The following PCDH9 variants were observed in gnomAD, a reference collection of about 807,000 sequenced individuals.
PCDH9 encodes the protein protocadherin 9, also known as protocadherin-9.
In PCDH9, 24 loss-of-function variants were observed where a neutral mutation model predicts 70.6. That is an observed-to-expected ratio of 0.34 (90% confidence interval 0.25 to 0.48). The LOEUF (loss-of-function observed/expected upper bound fraction) is 0.48, where lower values mean the gene tolerates loss of function less well. Among genes scored for constraint, PCDH9 ranks in the 20% least tolerant of loss-of-function variants. PCDH9 has a pLI of 0.99. For missense variants in PCDH9, 1,281 were observed against 1,503.6 expected (o/e 0.85, Z 2.45); for synonymous variants, 562 against 558.5 (o/e 1.01, Z -0.09).
At chr13:66,509,606 C>A (rs955823445) in intron 4 of PCDH9, among the ~76,000 whole-genome samples, 2 of 152,032 alleles carry the variant, frequency 1.3e-5, no homozygotes, top group Non-Finnish European at 2.9e-5. Context: ...TTGCAATAGT[C>A]TTTTCTTCTT....
chr13:66,719,876 T>A (rs972477434), intron 3 of PCDH9, among the ~76,000 whole-genome samples: 1 of 152,208 alleles, frequency 6.6e-6, no homozygotes, highest in African/African-American at 2.4e-5. Flanking sequence ...GTCAGGAATA[T>A]GATTCACAAC....
intron 2 of PCDH9, among the ~76,000 whole-genome samples, chr13:67,120,923 C>T (rs2086864772): frequency 6.7e-6 from 1 of 149,984 alleles, no homozygotes; most frequent in Non-Finnish European, 1.5e-5. Flanking sequence ...TGGGCCACGA[C>T]AGACAGAAAA....
At chr13:66,859,920 T>C (rs1349858951) in intron 3 of PCDH9, among the ~76,000 whole-genome samples, 7 of 152,218 alleles carry the variant, frequency 4.6e-5, no homozygotes, top group African/African-American at 1.4e-4. Context: ...AAATGGATTT[T>C]CAAATTTTAC....
intron 3 of PCDH9, among the ~76,000 whole-genome samples, chr13:66,694,634 G>T (rs2078533206): frequency 6.6e-6 from 1 of 151,474 alleles, no homozygotes; most frequent in African/African-American, 2.4e-5. Flanking sequence ...TAGTCAAAAG[G>T]AATATGTATA....
At chr13:66,683,235 A>G (rs2139065407) in intron 3 of PCDH9, among the ~76,000 whole-genome samples, 1 of 152,230 alleles carries the variant, frequency 6.6e-6, no homozygotes, top group Admixed American at 6.5e-5. Flanking sequence ...GCACTCATAA[A>G]CTATCTGCCT....
At chr13:67,095,326 G>GTTA (rs1221174630) in intron 2 of PCDH9, among the ~76,000 whole-genome samples, 1 of 151,956 alleles carries the variant, frequency 6.6e-6, no homozygotes, top group African/African-American at 2.4e-5. Context: ...TGAACTCTAG[G>GTTA]TTATTACATT....
intron 3 of PCDH9, among the ~76,000 whole-genome samples, chr13:66,877,438 A>G (rs2081836587): frequency 6.6e-6 from 1 of 151,846 alleles, no homozygotes; most frequent in Admixed American, 6.6e-5. Context: ...AGGTTCCCAA[A>G]GTGCTTTTAA....
chr13:67,196,170 A>G (rs2089059873), intron 2 of PCDH9, among the ~76,000 whole-genome samples: 1 of 152,158 alleles, frequency 6.6e-6, no homozygotes, highest in Admixed American at 6.5e-5. Context: ...CATTTACCTA[A>G]TAGAGCTGTT....
intron 2 of PCDH9, among the ~76,000 whole-genome samples, chr13:67,153,234 T>C (rs547891282): frequency 6.6e-6 from 1 of 152,096 alleles, no homozygotes; most frequent in East Asian, 1.9e-4. Context: ...CGATCATGGC[T>C]CACTATAGCC....
chr13:67,147,758 A>C (rs2087557624), intron 2 of PCDH9, among the ~76,000 whole-genome samples: 1 of 152,208 alleles, frequency 6.6e-6, no homozygotes, highest in Non-Finnish European at 1.5e-5. Flanking sequence ...CACTGTTTAT[A>C]CATTCCCTCA....
chr13:66,762,637 A>G (rs1287173757), intron 3 of PCDH9, among the ~76,000 whole-genome samples: 3 of 152,016 alleles, frequency 2.0e-5, no homozygotes, highest in East Asian at 1.9e-4. Context: ...CTTGTCAGGT[A>G]GTTTTGTGCA....
intron 2 of PCDH9, among the ~76,000 whole-genome samples, chr13:66,931,993 T>G (rs78326726): frequency 6.6e-6 from 1 of 152,260 alleles, no homozygotes; most frequent in East Asian, 1.9e-4. Context: ...TGTGTTTGAA[T>G]AAAACAGTTA....
intron 3 of PCDH9, among the ~76,000 whole-genome samples, chr13:66,872,774 A>G (rs1391897791): frequency 6.6e-6 from 1 of 152,154 alleles, no homozygotes; most frequent in Non-Finnish European, 1.5e-5. Context: ...GCTCAAATAT[A>G]TTGGCTAATT....
At chr13:67,002,545 A>C (rs2084265908) in intron 2 of PCDH9, among the ~76,000 whole-genome samples, 1 of 151,752 alleles carries the variant, frequency 6.6e-6, no homozygotes, top group African/African-American at 2.4e-5. Context: ...TTAAATATTT[A>C]CATTTCTCAT....
rs965345425 is a variant in PCDH9 at position 67,000,394 on chromosome 13, A to G, written c.3037-96789T>C. 2.2e-4 allele frequency among the ~76,000 whole-genome samples: 34 copies of G among 151,204 alleles called. 1 individual carries two copies. Among genetic ancestry groups the G allele is most frequent in the African/African-American group, 7.3e-4 (30 of 41,102 alleles). ...ACACCTAATGCTAAATGACGAGTTA[A>G]TGGGTGCAGCACACCAGCATGGCAC... On this transcript the variant is annotated intron_variant, in intron 2 of 4. Transcript: ENST00000377865.
At chr13:66,686,361 T>C (rs796567941) in intron 3 of PCDH9, among the ~76,000 whole-genome samples, 5 of 152,250 alleles carry the variant, frequency 3.3e-5, no homozygotes, top group African/African-American at 1.2e-4. Context: ...CCTTCAGCCA[T>C]AATTGTAAGT....
At chr13:66,385,936 C>T (rs945074463) in intron 4 of PCDH9, among the ~76,000 whole-genome samples, 6 of 149,484 alleles carry the variant, frequency 4.0e-5, no homozygotes, top group African/African-American at 1.5e-4. Context: ...TTGTGTTTAA[C>T]GTAGCAAAAG....
intron 4 of PCDH9, among the ~76,000 whole-genome samples, chr13:66,410,357 C>G (rs1182089560): frequency 6.6e-6 from 1 of 152,126 alleles, no homozygotes; most frequent in Admixed American, 6.6e-5. Context: ...TGGTTGAGAA[C>G]AGCAAATTAT....
chr13:66,543,623 T>C (rs970887230), intron 4 of PCDH9, among the ~76,000 whole-genome samples: 2 of 152,034 alleles, frequency 1.3e-5, no homozygotes, highest in East Asian at 3.9e-4. Flanking sequence ...GTAAAATTCT[T>C]TCCAGTTTGA....
Sources: gnomAD v4.1 joint callset for allele counts (sites outside exome capture counted in the v4.1 genomes callset) on GRCh38, gnomAD v4.1.1 for gene constraint, MANE v1.5 for transcripts, NCBI Gene and HGNC (gene_info 2026-07-23, HGNC 2026-07-21) for gene names.